The following MYADM variants were observed in gnomAD, a reference collection of about 807,000 sequenced individuals.
MYADM encodes myeloid-associated differentiation marker.
For synonymous variants in MYADM, 224 were observed against 210.2 expected, an observed-to-expected ratio of 1.07 and a Z score of -0.57; for missense variants, 416 against 443.4, an observed-to-expected ratio of 0.94 and a Z score of 0.56.
chr19:53,869,943 TC>T (rs1410623309), intron 2 of MYADM, 105 bp downstream of exon 2: 3 of 62,624 alleles, frequency 4.8e-5, no homozygotes, highest in African/African-American at 2.7e-4. Context: ...GGCTCCTCGG[TC>T]CGAGGGAGGA....
intron 2 of MYADM, among the ~76,000 whole-genome samples, chr19:53,872,296 A>G (rs1324931309): frequency 1.3e-5 from 2 of 151,818 alleles, no homozygotes; most frequent in African/African-American, 2.4e-5. Flanking sequence ...CCTGGGTTCA[A>G]GTGATTCTCC....
At chr19:53,871,635 T>C (rs2068390764) in intron 2 of MYADM, among the ~76,000 whole-genome samples, 1 of 152,044 alleles carries the variant, frequency 6.6e-6, no homozygotes, top group Non-Finnish European at 1.5e-5. Context: ...GTCGGAGCTC[T>C]TATTAGATGT....
Position 53,875,881 on chromosome 19 carries a change from A to T in MYADM, c.*1383A>T, listed in dbSNP as rs933751962. 1.8e-5 allele frequency: 3 copies of T among 166,894 alleles called. No homozygotes were observed. Among genetic ancestry groups the T allele is most frequent in the African/African-American group, 7.2e-5 (3 of 41,418 alleles). The allele number at this position is 166,894 out of a possible 1,614,324, so 10.3% of individuals were successfully genotyped here. A position where few individuals can be genotyped will look rare whatever the true frequency, so the allele number is the denominator to read the frequency against. On this transcript the variant is annotated 3_prime_UTR_variant, in exon 3 of 3. Transcript: ENST00000391770. ...AAAAAGGAATCGGACGAAGAACCAC[A>T]GGATGTTGAAGACAACTGTCTGAAG...
At chr19:53,870,618 G>A (rs1235324006) in intron 2 of MYADM, among the ~76,000 whole-genome samples, 2 of 152,150 alleles carry the variant, frequency 1.3e-5, no homozygotes, top group Non-Finnish European at 2.9e-5. Context: ...GCTGTCCTGC[G>A]ACTGCCACGA....
rs1015437232 is a variant in MYADM at position 53,869,267 on chromosome 19, G to A, written c.-87-487G>A. On this transcript the variant is annotated intron_variant, in intron 1 of 2. Coordinates refer to ENST00000391770, the MANE Select transcript of MYADM (RefSeq NM_138373.5). ...GGGGGGCTCTCAGCCCATGTTTATA[G>A]GGATCCAGAAATGCAGGCCTCCAAC... 9 of 152,304 alleles carry A rather than the reference G, an allele frequency of 5.9e-5. No individual in the cohort carries two copies. The East Asian group carries it at 1.7e-3, about 29-fold the overall frequency. The allele number at this position is 152,304 out of a possible 1,614,324, so 9.4% of individuals were successfully genotyped here.
chr19:53,874,914 G>T lies in MYADM; in HGVS notation c.*416G>T. 5.9e-6 allele frequency: 1 copy of T among 168,944 alleles called. No homozygotes were observed. 10.5% of individuals were successfully genotyped at this position (168,944 alleles called of 1,614,324 possible). A position where few individuals can be genotyped will look rare whatever the true frequency, so the allele number is the denominator to read the frequency against. ...CCCCAGCCTCCCAAGTAGCTGGGAG[G>T]ACAGGTGTGAGCTGCCGCACCCAGC... On this transcript the variant is annotated 3_prime_UTR_variant, in exon 3 of 3. Transcript: ENST00000391770.
In MYADM at chr19:53,868,507, G is replaced by A. The variant is rs1463985913; in HGVS notation, c.-88+564G>A. On this transcript the variant is annotated intron_variant, in intron 1 of 2. Coordinates refer to ENST00000391770, the MANE Select transcript of MYADM (RefSeq NM_138373.5). The surrounding 1 kb of genome is among the most constrained non-coding windows in gnomAD (Gnocchi z 6.3). ...GGGGACAGACAGAATCGGAACTTTG[G>A]GCTCCTGAAAGGCCGAGGGAGGGGG... Among the ~76,000 whole-genome samples the A allele has an allele frequency of 2.6e-5, 4 of 151,700 alleles. No homozygotes were observed. Among genetic ancestry groups the A allele is most frequent in the Non-Finnish European group, 4.4e-5 (3 of 67,902 alleles).
rs2068511115 is a variant in MYADM at position 53,875,366 on chromosome 19, G to C, written c.*868G>C. The C allele has an allele frequency of 6.0e-6, 1 of 166,640 alleles. No individual in the cohort carries two copies. The allele number at this position is 166,640 out of a possible 1,614,324, so 10.3% of individuals were successfully genotyped here. ...TGGAGGTCAGTAATTTCCAATGGGC[G>C]GGAGGCTTTAAGCACCGACCCTGGG... On this transcript the variant is annotated 3_prime_UTR_variant, in exon 3 of 3. Transcript: ENST00000391770.
upstream of MYADM, among the ~76,000 whole-genome samples, chr19:53,866,635 G>T (rs10403507): frequency 0.03 from 4,493 of 152,032 alleles, 221 homozygotes; most frequent in African/African-American, 0.099. This position sits in a 1 kb window ranked among gnomAD's most constrained non-coding sequence, Gnocchi z 4.3. Flanking sequence ...TTCCCCTCTT[G>T]CAGGATCCGT....
Position 53,869,846 on chromosome 19 carries a change from G to C in MYADM, c.-3+8G>C. On this transcript the variant is annotated splice_region_variant and intron_variant, in intron 2 of 2. Coordinates refer to ENST00000391770, the MANE Select transcript of MYADM (RefSeq NM_138373.5). Reference sequence around the variant, plus strand: ...CCTCTGCTAAGACCGCTGGTGAGTAGGCAGCGGGCCTGGACTCCGGGGTCC... The same window carrying C: ...CCTCTGCTAAGACCGCTGGTGAGTACGCAGCGGGCCTGGACTCCGGGGTCC... The C allele has an allele frequency of 6.4e-6, 1 of 155,474 alleles. No homozygotes were observed. Among genetic ancestry groups the C allele is most frequent in the South Asian group, 1.6e-4 (1 of 6,430 alleles). The allele number at this position is 155,474 out of a possible 1,614,324, so 9.6% of individuals were successfully genotyped here.
rs1327718558 is a variant in MYADM at position 53,876,143 on chromosome 19, C to A, written c.*1645C>A. On this transcript the variant is annotated 3_prime_UTR_variant, in exon 3 of 3. Transcript: ENST00000391770. ...GTAGGTGGGAGGGTGGGGATTGCTG[C>A]GTCCTAGCTAGAGGAATGGCTTTGC... The A allele has an allele frequency of 6.0e-6, 1 of 166,878 alleles. No individual in the cohort carries two copies. Among genetic ancestry groups the A allele is most frequent in the Non-Finnish European group, 1.5e-5 (1 of 68,090 alleles). 10.3% of individuals were successfully genotyped at this position (166,878 alleles called of 1,614,324 possible).
In MYADM at chr19:53,869,773, C is replaced by T. The variant is rs1479021039; in HGVS notation, c.-68C>T. ...CCTCAGGTGCTCTTACAGCCTGTTC[C>T]AAGTGTGGCTTAATCCGTCTCCACC... On this transcript the variant is annotated 5_prime_UTR_variant, in exon 2 of 3. Coordinates refer to ENST00000391770, the MANE Select transcript of MYADM (RefSeq NM_138373.5). The T allele has an allele frequency of 6.5e-6, 1 of 153,126 alleles. No individual in the cohort carries two copies. Among genetic ancestry groups the T allele is most frequent in the African/African-American group, 2.4e-5 (1 of 41,464 alleles). 9.5% of individuals were successfully genotyped at this position (153,126 alleles called of 1,614,324 possible). A position where few individuals can be genotyped will look rare whatever the true frequency, so the allele number is the denominator to read the frequency against.
chr19:53,872,382 G>C (rs994655894), intron 2 of MYADM, among the ~76,000 whole-genome samples: 2 of 151,912 alleles, frequency 1.3e-5, no homozygotes, highest in African/African-American at 2.4e-5. Context: ...TATTAGTAGA[G>C]ACCGAGTGTC....
At chr19:53,869,554 CG>C (rs1490902374) in intron 1 of MYADM, 199 bp from the exon 2 acceptor site, 1 of 152,394 alleles carries the variant, frequency 6.6e-6, no homozygotes. Context: ...CGCCGGCCCG[CG>C]GGGCGTGCAC....
chr19:53,874,532 C>CCTCTTTGTTCTT lies in MYADM; in HGVS notation c.*37_*48dup, dbSNP rs1399074296. ...CAAGAGGCTCCCGTTCCCTCTCCAA[C>CCTCTTTGTTCTT]CTCTTTGTTCTTCTTGCCCGAGTTT... On this transcript the variant is annotated 3_prime_UTR_variant, in exon 3 of 3. Coordinates refer to ENST00000391770, the MANE Select transcript of MYADM (RefSeq NM_138373.5). 2.0e-6 allele frequency: 3 copies of CCTCTTTGTTCTT among 1,529,444 alleles called. No individual in the cohort carries two copies. Among genetic ancestry groups the CCTCTTTGTTCTT allele is most frequent in the Admixed American group, 2.2e-5 (1 of 44,814 alleles). The allele number at this position is 1,529,444 out of a possible 1,614,324, so 94.7% of individuals were successfully genotyped here.
chr19:53,873,686 C>T lies in MYADM; in HGVS notation c.157C>T (p.Leu53=), dbSNP rs1355013668. 1 of 1,614,154 alleles carries T rather than the reference C, an allele frequency of 6.2e-7. No individual in the cohort carries two copies. The highest frequency in any genetic ancestry group is 8.5e-7 in the Non-Finnish European group (1 of 1,180,028). Residue 53 remains leucine (L), a synonymous_variant, in exon 3 of 3, where the codon CTG becomes TTG. Transcript: ENST00000391770. This position sits in a 1 kb window ranked among gnomAD's most constrained non-coding sequence, Gnocchi z 4.3. ...GGTGTCTACCTGCGTGGCCTTCTCG[C>T]TGGTGGCTAGCGTGGGCGCCTGGAC... is the stretch of plus-strand genomic sequence containing the variant. The part of the protein sequence containing the change: ...QLVSTCVAFS[L]VASVGAWTGS...
chr19:53,872,550 C>T (rs758307525), intron 2 of MYADM, among the ~76,000 whole-genome samples: 7 of 151,888 alleles, frequency 4.6e-5, no homozygotes. Flanking sequence ...CTCTGTCTCC[C>T]AGGCTGGAGT....
At position 53,874,076 on chromosome 19, in the gene MYADM, G is replaced by A. The variant is rs779349845; in HGVS notation, c.547G>A (p.Val183Ile). The A allele has an allele frequency of 6.2e-7, 1 of 1,611,258 alleles. No homozygotes were observed. Among genetic ancestry groups the A allele is most frequent in the East Asian group, 2.2e-5 (1 of 44,868 alleles). ...GCTGCTGAAGGTGCTGGAGACCTTC[G>A]TTGCCTGCATCATCTTCGCGTTCAT... ...PGLLKVLETF[V>I]ACIIFAFISD... Residue 183 changes from valine (V) to isoleucine (I), a missense_variant, in exon 3 of 3, where the codon GTT becomes ATT. Transcript: ENST00000391770.
upstream of MYADM, chr19:53,865,970 G>T: frequency 6.6e-6 from 1 of 152,350 alleles, no homozygotes; most frequent in Non-Finnish European, 1.5e-5. Flanking sequence ...CCTGATCTGG[G>T]TGCACTGAGA....
Sources: gnomAD v4.1 joint callset for allele counts (sites outside exome capture counted in the v4.1 genomes callset) on GRCh38, gnomAD v4.1.1 for gene constraint, Gnocchi (gnomAD v3.1) non-coding constraint, MANE v1.5 for transcripts, NCBI Gene and HGNC (gene_info 2026-07-23, HGNC 2026-07-21) for gene names.